SYPL1: variants seen among roughly 807,000 people sequenced by gnomAD.
SYPL1 encodes synaptophysin-like protein 1.
Under a neutral mutation model 23.7 loss-of-function variants are expected in SYPL1, and 6 were observed. The ratio of observed to expected loss-of-function variants is 0.25; its 90% CI spans 0.14 to 0.50. The LOEUF is 0.50. SYPL1 is among the 20% of genes least tolerant of loss of function. The pLI, the probability that SYPL1 is intolerant of heterozygous loss-of-function variation, is 0.98. For synonymous variants in SYPL1, 102 were observed against 104.5 expected, an observed-to-expected ratio of 0.98 and a Z score of 0.15; for missense variants, 253 against 288.9, an observed-to-expected ratio of 0.88 and a Z score of 0.90.
chr7:106,091,360 T>G lies in SYPL1; in HGVS notation c.*445A>C, dbSNP rs1839721138. ...ACTCAATATGTTTTTTCCTACATAT[T>G]TATGTAATCAAGGCTCTTTAAGCAA... On this transcript the variant is annotated 3_prime_UTR_variant, in exon 5 of 5. Transcript: ENST00000455385. This position sits in a 1 kb window ranked among gnomAD's most constrained non-coding sequence, Gnocchi z 5.0. The G allele has an allele frequency of 6.5e-6, 1 of 152,956 alleles. No individual in the cohort carries two copies. Among genetic ancestry groups the G allele is most frequent in the Admixed American group, 6.5e-5 (1 of 15,286 alleles). The allele number at this position is 152,956 out of a possible 1,614,324, so 9.5% of individuals were successfully genotyped here.
upstream of SYPL1, chr7:106,112,508 C>A: frequency 2.0e-6 from 3 of 1,524,152 alleles, no homozygotes; most frequent in Non-Finnish European, 2.6e-6. Flanking sequence ...CGCTGGCGAA[C>A]CAAGTAGATG....
chr7:106,101,097 C>T (rs1469376250), intron 1 of SYPL1, among the ~76,000 whole-genome samples: 1 of 152,092 alleles, frequency 6.6e-6, no homozygotes, highest in Non-Finnish European at 1.5e-5. Context: ...TCAGAGAGAC[C>T]TTCCCCTCAC....
At chr7:106,107,930 C>T (rs377619556) in intron 1 of SYPL1, among the ~76,000 whole-genome samples, 149 of 152,224 alleles carry the variant, frequency 9.8e-4, no homozygotes, top group Middle Eastern at 3.4e-3. Context: ...CGCGGTGGCT[C>T]ATGCCTATAA....
At chr7:106,093,839 T>C (rs1260910785) in intron 3 of SYPL1, among the ~76,000 whole-genome samples, 1 of 70,018 alleles carries the variant, frequency 1.4e-5, no homozygotes, top group African/African-American at 2.9e-5. Context: ...ATGCTCACTA[T>C]ATTAAGAAAA....
chr7:106,090,659 C>T lies in SYPL1; in HGVS notation c.*1146G>A, dbSNP rs2116044990. On this transcript the variant is annotated 3_prime_UTR_variant, in exon 5 of 5. Transcript: ENST00000455385. ...TTGTAAGAATAAGAAACCTGAATCC[C>T]TGTACAACAAAAAGATTAGGAAGCA... 1 of 152,692 alleles carries T rather than the reference C, an allele frequency of 6.5e-6. No individual in the cohort carries two copies. The highest frequency in any genetic ancestry group is 1.5e-5 in the Non-Finnish European group (1 of 68,020). 9.5% of individuals were successfully genotyped at this position (152,692 alleles called of 1,614,324 possible).
In SYPL1 at chr7:106,100,876, C is replaced by T. The variant is rs1395871866; in HGVS notation, c.70-1594G>A. On this transcript the variant is annotated intron_variant, in intron 1 of 4. Coordinates refer to ENST00000455385, the MANE Select transcript of SYPL1 (RefSeq NM_182715.4). This position sits in a 1 kb window ranked among gnomAD's most constrained non-coding sequence, Gnocchi z 5.1. ...ATAAAAACCAAAGTTCATATAAAGGCCTGCAAGATCCTTTCTTCCCTTATA... is the reference window on the plus strand; with the variant it reads ...ATAAAAACCAAAGTTCATATAAAGGTCTGCAAGATCCTTTCTTCCCTTATA... Among the ~76,000 whole-genome samples, 1 of 152,196 alleles carries T rather than the reference C, an allele frequency of 6.6e-6. No individual in the cohort carries two copies. Among genetic ancestry groups the T allele is most frequent in the Non-Finnish European group, 1.5e-5 (1 of 68,040 alleles).
rs1356846731 is a variant in SYPL1 at position 106,093,088 on chromosome 7, G to A, written c.452C>T (p.Ser151Leu). The A allele has an allele frequency of 3.1e-6, 5 of 1,612,784 alleles. No homozygotes were observed. Among genetic ancestry groups the A allele is most frequent in the South Asian group, 2.2e-5 (2 of 90,662 alleles). ...ATCTGTCAGAGCTTTAGCCCAGGCT[G>A]AAGTGCTCACCAACCACAAAAAAGT... ...VATFLWLVSTSAWAKALTDIK... is the reference protein window; with the variant it reads ...VATFLWLVSTLAWAKALTDIK... Residue 151 changes from serine (S) to leucine (L), a missense_variant, in exon 4 of 5, where the codon TCA becomes TTA. Transcript: ENST00000455385.
intron 4 of SYPL1, chr7:106,092,537 G>A (rs1189676915): frequency 2.6e-5 from 8 of 302,424 alleles, no homozygotes; most frequent in Middle Eastern, 1.3e-3. Flanking sequence ...GCTGGGAGTG[G>A]TGGCACATGC....
Position 106,099,198 on chromosome 7 carries a change from C to G in SYPL1, c.154G>C (p.Glu52Gln), listed in dbSNP as rs1334883369. ...AAAGTAGCTGTAACAGTTTTATTCTCAGTAACTGCAGGAGGACAATTCACT... is the reference window on the plus strand; with the variant it reads ...AAAGTAGCTGTAACAGTTTTATTCTGAGTAACTGCAGGAGGACAATTCACT... Reference protein sequence around the residue: ...IQVNCPPAVTENKTVTATFGY... With the variant: ...IQVNCPPAVTQNKTVTATFGY... Residue 52 changes from glutamate (E) to glutamine (Q), a missense_variant, in exon 2 of 5, where the codon GAG (glutamate) becomes CAG (glutamine). Physicochemically the swap from Glu to Gln is conservative, Grantham distance 29. Coordinates refer to ENST00000455385, the MANE Select transcript of SYPL1 (RefSeq NM_182715.4). The G allele has an allele frequency of 6.2e-7, 1 of 1,613,762 alleles. No individual in the cohort carries two copies. Among genetic ancestry groups the G allele is most frequent in the East Asian group, 2.2e-5 (1 of 44,876 alleles).
In SYPL1 at chr7:106,100,362, G is replaced by A. The variant is rs1840251516; in HGVS notation, c.70-1080C>T. On this transcript the variant is annotated intron_variant, in intron 1 of 4. Transcript: ENST00000455385. The surrounding 1 kb of genome is among the most constrained non-coding windows in gnomAD (Gnocchi z 5.1). ...TGCAATGAAACATTATATAGCTGTT[G>A]GAAATTAACAACATAGAATGTTGGA... Among the ~76,000 whole-genome samples the A allele has an allele frequency of 6.6e-6, 1 of 151,964 alleles. No homozygotes were observed.
upstream of SYPL1, chr7:106,112,359 GGGCGGAGC>G: frequency 7.8e-7 from 1 of 1,282,712 alleles, no homozygotes; most frequent in Non-Finnish European, 9.8e-7. Flanking sequence ...GGGCGGGGCG[GGGCGGAGC>G]GGCGGCGGTT....
Position 106,096,506 on chromosome 7 carries a change from G to A in SYPL1, c.402+1184C>T, listed in dbSNP as rs531489849. ...CTTTAAGTCACTAATAACTGACTTT[G>A]TAGTTACTCTTTTATAGTGGAGGTG... On this transcript the variant is annotated intron_variant, in intron 3 of 4. Transcript: ENST00000455385. This position sits in a 1 kb window ranked among gnomAD's most constrained non-coding sequence, Gnocchi z 4.4. Among the ~76,000 whole-genome samples the A allele has an allele frequency of 3.3e-5, 5 of 152,232 alleles. No homozygotes were observed. In the South Asian group the frequency reaches 1.0e-3, roughly 32 times the overall value.
intron 1 of SYPL1, among the ~76,000 whole-genome samples, chr7:106,101,424 G>C (rs1414784172): frequency 5.1e-5 from 5 of 97,720 alleles, no homozygotes; most frequent in Non-Finnish European, 8.1e-5. Flanking sequence ...TCAAGGGTTT[G>C]TTTTTTCCCA....
chr7:106,093,241 G>A, intron 3 of SYPL1, 104 bp from the exon 4 acceptor site: 1 of 1,081,512 alleles, frequency 9.2e-7, no homozygotes, highest in East Asian at 2.7e-5. Context: ...TTATGGTGCT[G>A]AGAAATGGCC....
intron 1 of SYPL1, among the ~76,000 whole-genome samples, chr7:106,105,882 G>C (rs1175994451): frequency 6.6e-6 from 1 of 152,112 alleles, no homozygotes; most frequent in Admixed American, 6.5e-5. Flanking sequence ...GGAATAATTT[G>C]TCTAGTTTTA....
chr7:106,099,365 A>G, intron 1 of SYPL1, 83 bp from the exon 2 acceptor site: 1 of 1,445,512 alleles, frequency 6.9e-7, no homozygotes, highest in Non-Finnish European at 9.3e-7. Context: ...TAAAACTGTA[A>G]GCACACTGAT....
chr7:106,112,314 C>G (rs1790212478), upstream of SYPL1: 2 of 1,287,806 alleles, frequency 1.6e-6, no homozygotes, highest in East Asian at 3.3e-5. Context: ...GGCTGGCGCG[C>G]TGGCCGGGCT....
At chr7:106,098,388 G>A (rs1442394600) in intron 2 of SYPL1, among the ~76,000 whole-genome samples, 5 of 152,184 alleles carry the variant, frequency 3.3e-5, no homozygotes. Context: ...AGTCCCTTAT[G>A]TGAGAAGTGT....
At chr7:106,099,372 T>A in intron 1 of SYPL1, 90 bp from the exon 2 acceptor site, 1 of 1,416,058 alleles carries the variant, frequency 7.1e-7, no homozygotes, top group East Asian at 2.3e-5. Context: ...GTAAGCACAC[T>A]GATTATTAAA....
Sources: allele counts gnomAD v4.1 joint callset (sites outside exome capture counted in the v4.1 genomes callset), GRCh38; gene constraint gnomAD v4.1.1; non-coding constraint Gnocchi (gnomAD v3.1); transcripts MANE v1.5; gene names NCBI Gene and HGNC (gene_info 2026-07-23, HGNC 2026-07-21).